The following GPHN variants were observed in gnomAD, a reference collection of about 807,000 sequenced individuals.
The protein encoded by GPHN is gephyrin.
GPHN carries 17 observed loss-of-function variants against 95.5 expected under a neutral mutation model. The ratio of observed to expected loss-of-function variants is 0.18; its 90% CI spans 0.12 to 0.27. The LOEUF is 0.27. Ranked by LOEUF, GPHN falls within the 10% of genes least tolerant of loss-of-function variation. The pLI, the probability that GPHN is intolerant of heterozygous loss-of-function variation, is 1.00. For synonymous variants in GPHN, 320 were observed against 322.5 expected (o/e 0.99, Z 0.08); for missense variants, 660 against 978.1 (o/e 0.67, Z 4.34).
chr14:67,292,485 T>C, the GPHN span: 153 of 1,473,516 alleles, frequency 1.0e-4, 5 homozygotes, highest in South Asian at 1.7e-3. Context: ...CAGTTAATTT[T>C]TGGATACCTT....
At chr14:67,175,883 T>C (rs2082912070) in intron 21 of GPHN, among the ~76,000 whole-genome samples, 2 of 152,322 alleles carry the variant, frequency 1.3e-5, no homozygotes, top group Admixed American at 1.3e-4. Flanking sequence ...TCTGTTTGTG[T>C]GTTATTGGTG....
intron 3 of GPHN, among the ~76,000 whole-genome samples, chr14:66,789,170 T>G (rs895697992): frequency 6.6e-6 from 1 of 152,238 alleles, no homozygotes; most frequent in Non-Finnish European, 1.5e-5. Flanking sequence ...AATTAATTTT[T>G]CACAAACCTT....
chr14:66,997,327 A>C (rs138676649), intron 9 of GPHN, among the ~76,000 whole-genome samples: 9 of 150,724 alleles, frequency 6.0e-5, no homozygotes, highest in Non-Finnish European at 1.3e-4. Context: ...AGATCGTGCA[A>C]TTGCACTCTA....
the GPHN span, among the ~76,000 whole-genome samples, chr14:67,643,648 A>C: frequency 6.6e-6 from 1 of 152,182 alleles, no homozygotes; most frequent in Non-Finnish European, 1.5e-5. Context: ...ACACAGTGAG[A>C]TCAGGTCTCT....
At chr14:66,933,593 T>C (rs2066940903) in intron 8 of GPHN, among the ~76,000 whole-genome samples, 1 of 152,196 alleles carries the variant, frequency 6.6e-6, no homozygotes, top group Admixed American at 6.5e-5. Flanking sequence ...AGCCCTTACC[T>C]CACCACTTAA....
chr14:67,508,229 A>T, the GPHN span, among the ~76,000 whole-genome samples: 1 of 151,266 alleles, frequency 6.6e-6, no homozygotes, highest in Non-Finnish European at 1.5e-5. Flanking sequence ...TTCCAGTTTG[A>T]CTTCTTTCTC....
chr14:67,284,324 G>A, the GPHN span, among the ~76,000 whole-genome samples: 3 of 151,106 alleles, frequency 2.0e-5, no homozygotes, highest in South Asian at 2.1e-4. Flanking sequence ...GCAGGCAGGC[G>A]TGGTGGTTCA....
At chr14:67,225,926 A>AGAGTGTGTGTGTGTGTGT in the GPHN span, among the ~76,000 whole-genome samples, 2 of 136,630 alleles carry the variant, frequency 1.5e-5, no homozygotes, top group African/African-American at 2.7e-5. Flanking sequence ...TAATGCTGTG[A>AGAGTGTGTGTGTGTGTGT]GTGTGTGTGT....
At chr14:67,578,627 C>T in the GPHN span, 1 of 1,598,680 alleles carries the variant, frequency 6.3e-7, no homozygotes, top group Non-Finnish European at 8.5e-7. This position sits in a 1 kb window ranked among gnomAD's most constrained non-coding sequence, Gnocchi z 5.0. Context: ...CCATGCAGAT[C>T]CCAGGTGAGT....
chr14:67,309,426 C>T, the GPHN span, among the ~76,000 whole-genome samples: 3 of 152,198 alleles, frequency 2.0e-5, no homozygotes, highest in South Asian at 2.1e-4. Flanking sequence ...GCCTTTTCCT[C>T]TTAATTTTAG....
At chr14:66,512,661 A>C (rs1594776260) in intron 1 of GPHN, among the ~76,000 whole-genome samples, 1 of 151,820 alleles carries the variant, frequency 6.6e-6, no homozygotes, top group Non-Finnish European at 1.5e-5. Flanking sequence ...TAAAAGACTA[A>C]TTGTAAATGA....
At chr14:67,689,423 C>A in the GPHN span, among the ~76,000 whole-genome samples, 1 of 152,156 alleles carries the variant, frequency 6.6e-6, no homozygotes, top group Non-Finnish European at 1.5e-5. Flanking sequence ...TTCCCCTTCT[C>A]AAGCATATAT....
At chr14:67,574,365 G>C in the GPHN span, 1 of 1,592,660 alleles carries the variant, frequency 6.3e-7, no homozygotes, top group Non-Finnish European at 8.6e-7. The surrounding 1 kb of genome is among the most constrained non-coding windows in gnomAD (Gnocchi z 4.2). Flanking sequence ...TCTGCTTCGG[G>C]GTGGCACCAA....
At chr14:67,616,109 G>GT in the GPHN span, 13 of 271,564 alleles carry the variant, frequency 4.8e-5, no homozygotes, top group East Asian at 9.2e-5. Context: ...TTCGAGTGCA[G>GT]TTTTTTTTCT....
chr14:66,655,007 A>G lies in GPHN; in HGVS notation c.65-26100A>G, dbSNP rs182297983. 1.0e-3 allele frequency among the ~76,000 whole-genome samples: 157 copies of G among 152,296 alleles called. 3 individuals carry two copies. The South Asian group carries it at 0.011, about 11-fold the overall frequency. ...TTTATCTTTCTGGCTAATACCACAC[A>G]GTCTTTATTATTATATCTGTATATG... On this transcript the variant is annotated intron_variant, in intron 1 of 22. Transcript: ENST00000478722.
intron 3 of GPHN, among the ~76,000 whole-genome samples, chr14:66,812,498 C>G (rs960710034): frequency 6.6e-5 from 10 of 152,028 alleles, no homozygotes. Flanking sequence ...GACAAAAATT[C>G]TAAAGCAGCT....
chr14:67,642,793 C>CTTTTTTTTTTTTTTTTTTT, the GPHN span, among the ~76,000 whole-genome samples: 104 of 75,554 alleles, frequency 1.4e-3, 25 homozygotes, highest in African/African-American at 5.2e-3. Context: ...ACTACATTTT[C>CTTTTTTTTTTTTTTTTTTT]TTTTTTTTTT....
At chr14:67,567,973 C>A in the GPHN span, among the ~76,000 whole-genome samples, 3 of 152,218 alleles carry the variant, frequency 2.0e-5, no homozygotes, top group African/African-American at 4.8e-5. Context: ...CTCCTTTGGC[C>A]TGTGGCCTAC....
chr14:67,060,840 A>T (rs1293772678), intron 11 of GPHN, among the ~76,000 whole-genome samples: 2 of 152,134 alleles, frequency 1.3e-5, no homozygotes, highest in African/African-American at 4.8e-5. Flanking sequence ...TTATAAAGTG[A>T]ATTGTAAGTC....
Sources: allele counts gnomAD v4.1 joint callset (sites outside exome capture counted in the v4.1 genomes callset), GRCh38; gene constraint gnomAD v4.1.1; non-coding constraint Gnocchi (gnomAD v3.1); transcripts MANE v1.5; gene names NCBI Gene and HGNC (gene_info 2026-07-23, HGNC 2026-07-21).